The following TBC1D22A variants were observed in gnomAD, a reference collection of about 807,000 sequenced individuals.
TBC1D22A encodes the protein TBC1 domain family member 22A, also known as putative GTPase activator.
TBC1D22A carries 38 observed loss-of-function variants against 60.2 expected under a neutral mutation model. The ratio of observed to expected loss-of-function variants is 0.63; its 90% CI spans 0.49 to 0.83. TBC1D22A has a LOEUF of 0.83. Among genes scored for constraint, TBC1D22A ranks in the 40% least tolerant of loss-of-function variants. The pLI is 0.00. For missense variants in TBC1D22A, 628 were observed against 701.0 expected (o/e 0.90, Z 1.18); for synonymous variants, 302 against 281.7 (o/e 1.07, Z -0.72).
intron 11 of TBC1D22A, among the ~76,000 whole-genome samples, chr22:47,079,727 A>G (rs1223823345): frequency 6.6e-6 from 1 of 152,222 alleles, no homozygotes; most frequent in Non-Finnish European, 1.5e-5. Flanking sequence ...AAAAAAGAGG[A>G]GTACAGAAGA....
In TBC1D22A at chr22:46,923,582, G is replaced by A. The variant is rs113466653; in HGVS notation, c.1015+11394G>A. Among the ~76,000 whole-genome samples the A allele has an allele frequency of 7.8e-3, 1,192 of 152,386 alleles. 8 individuals are homozygous for A. The highest frequency in any genetic ancestry group is 0.027 in the African/African-American group (1,135 of 41,598). On this transcript the variant is annotated intron_variant, in intron 8 of 12. Transcript: ENST00000337137. ...GGAGCCTGAGCTGTGGTTCCAGCCC[G>A]TCCTTTGAGCCAGGGTGCGGGGCAC...
chr22:47,054,175 C>T (rs114958887), intron 11 of TBC1D22A, among the ~76,000 whole-genome samples: 25 of 152,278 alleles, frequency 1.6e-4, no homozygotes, highest in African/African-American at 5.5e-4. Flanking sequence ...GGAGGAAGGA[C>T]GTGCAGGGAC....
chr22:47,146,165 G>T (rs1390874755), intron 12 of TBC1D22A, among the ~76,000 whole-genome samples: 1 of 152,178 alleles, frequency 6.6e-6, no homozygotes, highest in Non-Finnish European at 1.5e-5. Context: ...GGGTTGACTG[G>T]GGGCCGCGGC....
chr22:47,171,650 G>T (rs1221845227), intron 12 of TBC1D22A, among the ~76,000 whole-genome samples: 2 of 152,204 alleles, frequency 1.3e-5, no homozygotes, highest in Admixed American at 1.3e-4. Context: ...CCCTCTGTGT[G>T]TTGGGGTCCC....
At chr22:47,037,372 G>T (rs568744908) in intron 11 of TBC1D22A, among the ~76,000 whole-genome samples, 174 bp downstream of exon 11, 1 of 152,212 alleles carries the variant, frequency 6.6e-6, no homozygotes, top group Admixed American at 6.5e-5. Flanking sequence ...GCTCATGCCT[G>T]TAATCCTAGC....
chr22:46,923,456 G>A (rs778792499), intron 8 of TBC1D22A, among the ~76,000 whole-genome samples: 6 of 152,364 alleles, frequency 3.9e-5, no homozygotes, highest in South Asian at 4.1e-4. Context: ...CTCTTGCCCC[G>A]CCCAGGGCTG....
At chr22:47,137,542 T>C (rs2066920256) in intron 12 of TBC1D22A, among the ~76,000 whole-genome samples, 1 of 152,184 alleles carries the variant, frequency 6.6e-6, no homozygotes, top group African/African-American at 2.4e-5. Context: ...GGGTGCTGGA[T>C]ACCTCTGCCC....
chr22:46,786,284 C>A (rs1282532525), intron 1 of TBC1D22A, among the ~76,000 whole-genome samples: 1 of 151,990 alleles, frequency 6.6e-6, no homozygotes, highest in Non-Finnish European at 1.5e-5. Flanking sequence ...TGGTTTTTGT[C>A]CTTTATGCTA....
chr22:47,089,825 A>C (rs1313054667), intron 11 of TBC1D22A, among the ~76,000 whole-genome samples: 5 of 152,180 alleles, frequency 3.3e-5, no homozygotes, highest in Non-Finnish European at 5.9e-5. Context: ...AAATTGGTTC[A>C]ATAAGACTTT....
chr22:46,809,086 C>T (rs1403192248), intron 4 of TBC1D22A, among the ~76,000 whole-genome samples: 1 of 152,212 alleles, frequency 6.6e-6, no homozygotes, highest in Non-Finnish European at 1.5e-5. Flanking sequence ...GAAAATACCA[C>T]AGACTGGGTG....
At chr22:46,834,870 C>A (rs1422552994) in intron 4 of TBC1D22A, among the ~76,000 whole-genome samples, 2 of 152,200 alleles carry the variant, frequency 1.3e-5, no homozygotes, top group Admixed American at 6.5e-5. Context: ...TGAGCCTCTG[C>A]AGATTGTGTA....
intron 11 of TBC1D22A, among the ~76,000 whole-genome samples, chr22:47,076,327 A>ATGTGTG (rs199960303): frequency 7.0e-6 from 1 of 142,534 alleles, no homozygotes; most frequent in Admixed American, 7.2e-5. Context: ...ATATATGTAT[A>ATGTGTG]TGTGTGTGTG....
chr22:47,166,297 C>T (rs957011498), intron 12 of TBC1D22A, among the ~76,000 whole-genome samples: 5 of 152,152 alleles, frequency 3.3e-5, no homozygotes, highest in African/African-American at 9.7e-5. Flanking sequence ...ATACCTAGAA[C>T]AGTGCTGTCC....
At chr22:46,763,376 A>ATGTTG (rs973227770) in intron 1 of TBC1D22A, 3 of 99,876 alleles carry the variant, frequency 3.0e-5, no homozygotes, top group African/African-American at 7.5e-5. Context: ...ACCACCTCCT[A>ATGTTG]TGTTGTGTTA....
intron 11 of TBC1D22A, among the ~76,000 whole-genome samples, chr22:47,077,625 G>C (rs939969791): frequency 2.0e-5 from 3 of 152,186 alleles, no homozygotes; most frequent in African/African-American, 7.2e-5. Context: ...CTGTTGTAAG[G>C]AGCCCAGCAA....
chr22:47,005,251 A>C (rs766040509), intron 10 of TBC1D22A, among the ~76,000 whole-genome samples: 1 of 151,268 alleles, frequency 6.6e-6, no homozygotes, highest in Non-Finnish European at 1.5e-5. Context: ...AAACACCACT[A>C]TACACACACC....
Position 46,923,179 on chromosome 22 carries a change from G to A in TBC1D22A, c.1015+10991G>A, listed in dbSNP as rs189419124. On this transcript the variant is annotated intron_variant, in intron 8 of 12. Coordinates refer to ENST00000337137, the MANE Select transcript of TBC1D22A (RefSeq NM_014346.5). ...TAAATATAGATAAGTTATGAAGGAA[G>A]CAATTAAAATACTTGGCCATCCCAC... 1.7e-4 allele frequency among the ~76,000 whole-genome samples: 26 copies of A among 152,334 alleles called. No individual in the cohort carries two copies. In the East Asian group the frequency reaches 4.8e-3, roughly 28 times the overall value.
At chr22:46,813,750 C>T (rs756893468) in intron 4 of TBC1D22A, among the ~76,000 whole-genome samples, 4 of 152,172 alleles carry the variant, frequency 2.6e-5, no homozygotes, top group Admixed American at 1.3e-4. Context: ...GCAGGTGGGC[C>T]TTCAGGGGCC....
intron 4 of TBC1D22A, among the ~76,000 whole-genome samples, chr22:46,807,211 T>C (rs998691731): frequency 1.3e-5 from 2 of 149,308 alleles, no homozygotes; most frequent in Admixed American, 6.7e-5. Context: ...GCAGCAGGAT[T>C]GTTCTCCTTC....
Sources: gnomAD v4.1 joint callset for allele counts (sites outside exome capture counted in the v4.1 genomes callset) on GRCh38, gnomAD v4.1.1 for gene constraint, MANE v1.5 for transcripts, NCBI Gene and HGNC (gene_info 2026-07-23, HGNC 2026-07-21) for gene names.